The following IGF2R variants were observed in gnomAD, a reference collection of about 807,000 sequenced individuals.
The protein encoded by IGF2R is cation-independent mannose-6-phosphate receptor.
In IGF2R, 91 loss-of-function variants were observed where a neutral mutation model predicts 270.6. That is an observed-to-expected ratio of 0.34 (90% CI 0.28 to 0.40). The LOEUF is 0.40. Ranked by LOEUF, IGF2R falls within the 10% of genes least tolerant of loss-of-function variation. The probability of loss-of-function intolerance (pLI) is 1.00; values close to 1 mark genes in which losing one functional copy is unlikely to be tolerated. For synonymous variants in IGF2R, 1,316 were observed against 1,258.9 expected (o/e 1.05, Z -0.96); for missense variants, 2,805 against 3,188.3 (o/e 0.88, Z 2.90).
rs776674081 is a variant in IGF2R, at chr6:160,050,446, A to C, written c.2515-27A>C. On this transcript the variant is annotated intron_variant, in intron 18 of 47. Coordinates refer to ENST00000356956, the MANE Select transcript of IGF2R (RefSeq NM_000876.4). This position sits in a 1 kb window ranked among gnomAD's most constrained non-coding sequence, Gnocchi z 4.0. ...AATCGACTGTATCTTCAGGGGGAAA[A>C]GCCTAACAAGACTGGTTTTCTTGCA... 2 of 1,591,094 alleles carry C rather than the reference A, an allele frequency of 1.3e-6. No homozygotes were observed. The highest frequency in any genetic ancestry group is 2.7e-5 in the African/African-American group (2 of 74,476).
At chr6:160,030,427 A>G (rs1219976489) in intron 7 of IGF2R, among the ~76,000 whole-genome samples, 3 of 152,224 alleles carry the variant, frequency 2.0e-5, no homozygotes, top group South Asian at 4.1e-4. Flanking sequence ...TCAGGCTGGC[A>G]GCTGGCCTGG....
In IGF2R at chr6:160,063,777, T is replaced by C. The variant is rs1778496119; in HGVS notation, c.3886+147T>C. 6 of 654,500 alleles carry C rather than the reference T, an allele frequency of 9.2e-6. No individual in the cohort carries two copies. The South Asian group carries it at 1.2e-4, about 13-fold the overall frequency. 40.5% of individuals were successfully genotyped at this position (654,500 alleles called of 1,614,324 possible). A position where few individuals can be genotyped will look rare whatever the true frequency, so the allele number is the denominator to read the frequency against. Reference sequence around the variant, plus strand: ...AAAAGCATATTAATGATATTTCGGATTTTGCTTGATTTTCTTAAACAGAGT... The same window carrying C: ...AAAAGCATATTAATGATATTTCGGACTTTGCTTGATTTTCTTAAACAGAGT... On this transcript the variant is annotated intron_variant, in intron 27 of 47. Transcript: ENST00000356956.
Position 160,084,959 on chromosome 6 carries a change from C to G in IGF2R, c.6069-36C>G, listed in dbSNP as rs752524948. The G allele has an allele frequency of 6.3e-7, 1 of 1,595,128 alleles. No homozygotes were observed. On this transcript the variant is annotated intron_variant, in intron 40 of 47. Coordinates refer to ENST00000356956, the MANE Select transcript of IGF2R (RefSeq NM_000876.4). The surrounding 1 kb of genome is among the most constrained non-coding windows in gnomAD (Gnocchi z 4.6). ...TGTGTCAGGGCAGAGACGTCACTTGCATGCCTTTTACCTGCCCCTTTGTGT... is the reference window on the plus strand; with the variant it reads ...TGTGTCAGGGCAGAGACGTCACTTGGATGCCTTTTACCTGCCCCTTTGTGT...
chr6:160,023,525 C>CT (rs2115222519), intron 4 of IGF2R, among the ~76,000 whole-genome samples: 1 of 152,272 alleles, frequency 6.6e-6, no homozygotes, highest in African/African-American at 2.4e-5. Context: ...GTACCCCAAG[C>CT]TTCACATACA....
chr6:160,078,828 T>G (rs1359927795), intron 37 of IGF2R, among the ~76,000 whole-genome samples: 1 of 152,132 alleles, frequency 6.6e-6, no homozygotes, highest in Non-Finnish European at 1.5e-5. Context: ...GGAGGTGCCC[T>G]GGAATTGAGA....
Position 160,045,870 on chromosome 6 carries a change from G to T in IGF2R, c.1891G>T (p.Asp631Tyr). The change falls in exon 14 of 48, where the codon GAC (aspartate) becomes TAC (tyrosine). Residue 631 changes from aspartate to tyrosine, a missense_variant. By Grantham distance (160) the Asp-to-Tyr change is radical. Around this residue, in one of 2 missense-constraint regions of IGF2R, gnomAD observed 954 missense variants for 981.1 expected, o/e 0.97. Coordinates refer to ENST00000356956, the MANE Select transcript of IGF2R (RefSeq NM_000876.4). The stretch of plus-strand genomic sequence containing the variant: ...AGAAGGGGAGAACTGCACGGTCTTT[G>T]ACTCCCAGGCAGGTCTGTGTCCAAG... ...KTEGENCTVF[D>Y]SQAGFSFDLS... 1 of 1,573,608 alleles carries T rather than the reference G, an allele frequency of 6.4e-7. No homozygotes were observed. The highest frequency in any genetic ancestry group is 1.2e-5 in the South Asian group (1 of 84,632).
chr6:160,021,250 A>G (rs924056959), intron 4 of IGF2R, among the ~76,000 whole-genome samples: 4 of 152,094 alleles, frequency 2.6e-5, no homozygotes. Flanking sequence ...AACCACATGG[A>G]ATACTATGCA....
At chr6:160,094,994 ACTCTT>A (rs1779317773) in intron 44 of IGF2R, 1 of 150,990 alleles carries the variant, frequency 6.6e-6, no homozygotes, top group Non-Finnish European at 1.5e-5. Flanking sequence ...CATCCTCTGC[ACTCTT>A]CTCTGTCATC....
intron 4 of IGF2R, among the ~76,000 whole-genome samples, chr6:160,019,513 CAAAG>C (rs993561931): frequency 3.3e-5 from 5 of 152,058 alleles, no homozygotes; most frequent in Non-Finnish European, 5.9e-5. Flanking sequence ...AAGCACACAA[CAAAG>C]AAAGAAAACT....
intron 42 of IGF2R, 22 bp from the exon 43 acceptor site, chr6:160,089,085 G>A (rs776891285): frequency 5.2e-5 from 83 of 1,608,272 alleles, no homozygotes; most frequent in Non-Finnish European, 6.5e-5. Flanking sequence ...AGTGACTGTA[G>A]CCTGTGCTTC....
chr6:159,976,952 G>A (rs1386016893), intron 1 of IGF2R, among the ~76,000 whole-genome samples: 1 of 152,072 alleles, frequency 6.6e-6, no homozygotes, highest in African/African-American at 2.4e-5. Flanking sequence ...ACTCTTCTTC[G>A]GTTTGTCTGT....
At chr6:160,049,181 A>G (rs976786872) in intron 18 of IGF2R, among the ~76,000 whole-genome samples, 2 of 152,176 alleles carry the variant, frequency 1.3e-5, no homozygotes, top group Non-Finnish European at 1.5e-5. Flanking sequence ...TCTGGTGGTT[A>G]GGAATCGAGT....
At chr6:160,066,897 C>T (rs991343232) in intron 29 of IGF2R, among the ~76,000 whole-genome samples, 4 of 152,200 alleles carry the variant, frequency 2.6e-5, no homozygotes, top group Non-Finnish European at 4.4e-5. Context: ...GCCACCTGCC[C>T]CTGGTTTGGG....
At position 160,084,961 on chromosome 6, in the gene IGF2R, T is replaced by G. The variant is rs758687252; in HGVS notation, c.6069-34T>G. 1.3e-6 allele frequency: 2 copies of G among 1,595,730 alleles called. No homozygotes were observed. Among genetic ancestry groups the G allele is most frequent in the Non-Finnish European group, 8.6e-7 (1 of 1,165,858 alleles). On this transcript the variant is annotated intron_variant, in intron 40 of 47. Transcript: ENST00000356956. The surrounding 1 kb of genome is among the most constrained non-coding windows in gnomAD (Gnocchi z 4.6). Reference sequence around the variant, plus strand: ...TGTCAGGGCAGAGACGTCACTTGCATGCCTTTTACCTGCCCCTTTGTGTCG... The same window carrying G: ...TGTCAGGGCAGAGACGTCACTTGCAGGCCTTTTACCTGCCCCTTTGTGTCG...
Position 160,108,471 on chromosome 6 carries a change from T to C in IGF2R, c.*3387T>C, listed in dbSNP as rs1283168142. 1 of 152,256 alleles carries C rather than the reference T, an allele frequency of 6.6e-6. No individual in the cohort carries two copies. The highest frequency in any genetic ancestry group is 2.4e-5 in the African/African-American group (1 of 41,412). The allele number at this position is 152,256 out of a possible 1,614,324, so 9.4% of individuals were successfully genotyped here. On this transcript the variant is annotated 3_prime_UTR_variant, in exon 48 of 48. Transcript: ENST00000356956. ...GATTGGGCTTTTGAGCAAGATAGTC[T>C]AGATGAAAGTAAAGAGATGGAGACG...
chr6:160,066,840 C>G (rs1235422715), intron 29 of IGF2R, among the ~76,000 whole-genome samples: 1 of 152,212 alleles, frequency 6.6e-6, no homozygotes, highest in Non-Finnish European at 1.5e-5. Context: ...GTGATATTCA[C>G]TAAGCTCTGT....
chr6:160,055,538 G>A (rs1022579721), intron 19 of IGF2R, among the ~76,000 whole-genome samples: 8 of 152,196 alleles, frequency 5.3e-5, no homozygotes, highest in Non-Finnish European at 8.8e-5. Context: ...AGTGGAAGGA[G>A]CAGGTGTGTT....
At chr6:160,070,711 G>A (rs8191876) in intron 31 of IGF2R, among the ~76,000 whole-genome samples, 1,680 of 152,292 alleles carry the variant, frequency 0.011, 35 homozygotes, top group African/African-American at 0.038. Flanking sequence ...TGCATGACAA[G>A]CTCGGTGGCT....
At chr6:160,051,320 A>C (rs1003518785) in intron 19 of IGF2R, among the ~76,000 whole-genome samples, 2 of 152,196 alleles carry the variant, frequency 1.3e-5, no homozygotes, top group African/African-American at 4.8e-5. Flanking sequence ...TCTTGTGCAC[A>C]AGTCTGTCCA....
Sources: gnomAD v4.1 joint callset for allele counts (sites outside exome capture counted in the v4.1 genomes callset) on GRCh38, gnomAD v4.1.1 for gene constraint, gnomAD v4.1.1 regional missense constraint, Gnocchi (gnomAD v3.1) non-coding constraint, MANE v1.5 for transcripts, NCBI Gene and HGNC (gene_info 2026-07-23, HGNC 2026-07-21) for gene names.